The following NHSL3 variants were observed in gnomAD, a reference collection of about 807,000 sequenced individuals.
The protein encoded by NHSL3 is NHS like 3, also known as NHS-like protein 3.
chr1:32,754,928 C>T, the NHSL3 span, among the ~76,000 whole-genome samples: 4 of 152,056 alleles, frequency 2.6e-5, no homozygotes, highest in Non-Finnish European at 5.9e-5. Context: ...CCGCCTCCCC[C>T]CCTCCCCCGT....
chr1:32,771,577 C>A, the NHSL3 span: 1 of 1,612,638 alleles, frequency 6.2e-7, no homozygotes, highest in Non-Finnish European at 8.5e-7. Flanking sequence ...TGTGGCCAGC[C>A]CTGAGCCTGC....
chr1:32,751,957 A>G, the NHSL3 span, among the ~76,000 whole-genome samples: 8 of 152,240 alleles, frequency 5.3e-5, no homozygotes, highest in African/African-American at 1.7e-4. Flanking sequence ...TCCTCACTTA[A>G]TTCATGCCAA....
the NHSL3 span, among the ~76,000 whole-genome samples, chr1:32,753,856 C>T: frequency 6.6e-6 from 1 of 152,178 alleles, no homozygotes; most frequent in African/African-American, 2.4e-5. Context: ...CAGCCGGTCT[C>T]CCAGGTCCCG....
the NHSL3 span, chr1:32,773,743 CAGG>C: frequency 6.5e-6 from 1 of 152,690 alleles, no homozygotes; most frequent in Non-Finnish European, 1.5e-5. Flanking sequence ...ACTTCAGAGG[CAGG>C]AGCCTTTGGG....
the NHSL3 span, among the ~76,000 whole-genome samples, chr1:32,766,242 G>A: frequency 6.6e-6 from 1 of 152,128 alleles, no homozygotes; most frequent in Non-Finnish European, 1.5e-5. Context: ...GTGAAATCCT[G>A]TTTAGAGGCC....
At chr1:32,753,035 C>A in the NHSL3 span, among the ~76,000 whole-genome samples, 7 of 147,922 alleles carry the variant, frequency 4.7e-5, no homozygotes, top group Middle Eastern at 6.9e-3. Flanking sequence ...GTGGTGTGAT[C>A]TTGGCTCACT....
chr1:32,770,717 C>G, the NHSL3 span: 89 of 1,549,874 alleles, frequency 5.7e-5, no homozygotes, highest in Non-Finnish European at 7.6e-5. This position sits in a 1 kb window ranked among gnomAD's most constrained non-coding sequence, Gnocchi z 8.3. Flanking sequence ...CGGGGCTTAG[C>G]AGTGCCTGAT....
chr1:32,746,104 G>C, the NHSL3 span, among the ~76,000 whole-genome samples: 1 of 151,652 alleles, frequency 6.6e-6, no homozygotes, highest in African/African-American at 2.4e-5. Context: ...GGTGTCGGGC[G>C]CCTGTAGTCC....
At chr1:32,750,382 C>G in the NHSL3 span, among the ~76,000 whole-genome samples, 1 of 152,220 alleles carries the variant, frequency 6.6e-6, no homozygotes, top group African/African-American at 2.4e-5. Context: ...GATTTAAACC[C>G]TGAATCTTGT....
chr1:32,771,899 C>T, the NHSL3 span: 15 of 1,588,270 alleles, frequency 9.4e-6, no homozygotes, highest in African/African-American at 4.0e-5. Context: ...GGGCCATCGG[C>T]CCCCCAGAAA....
chr1:32,759,185 T>G, the NHSL3 span, among the ~76,000 whole-genome samples: 5 of 152,080 alleles, frequency 3.3e-5, no homozygotes, highest in African/African-American at 1.2e-4. Flanking sequence ...GTGGCTTTCT[T>G]TAAGGTTCCC....
the NHSL3 span, chr1:32,772,526 T>G: frequency 6.8e-7 from 1 of 1,479,856 alleles, no homozygotes; most frequent in Non-Finnish European, 8.9e-7. Flanking sequence ...GATTTGTTCT[T>G]GGATCTTTAA....
the NHSL3 span, chr1:32,770,012 TGGAGGC>T: frequency 1.2e-6 from 2 of 1,600,558 alleles, no homozygotes; most frequent in Non-Finnish European, 1.7e-6. This position sits in a 1 kb window ranked among gnomAD's most constrained non-coding sequence, Gnocchi z 8.3. Flanking sequence ...CTGCAGGCGC[TGGAGGC>T]GGAGGCGGAG....
At chr1:32,771,496 C>T in the NHSL3 span, 1 of 1,584,822 alleles carries the variant, frequency 6.3e-7, no homozygotes, top group Non-Finnish European at 8.6e-7. Context: ...GCCCCCTCCC[C>T]CACCCCCTGC....
chr1:32,750,410 C>G, the NHSL3 span, among the ~76,000 whole-genome samples: 1 of 152,114 alleles, frequency 6.6e-6, no homozygotes, highest in Non-Finnish European at 1.5e-5. Context: ...TGCGTGATTC[C>G]CAGGAGGCTC....
the NHSL3 span, among the ~76,000 whole-genome samples, chr1:32,762,053 G>T: frequency 6.6e-6 from 1 of 152,128 alleles, no homozygotes; most frequent in South Asian, 2.1e-4. Flanking sequence ...GCTCCCTCTG[G>T]TTTCCATTTC....
At chr1:32,757,521 G>A in the NHSL3 span, among the ~76,000 whole-genome samples, 1 of 152,000 alleles carries the variant, frequency 6.6e-6, no homozygotes, top group African/African-American at 2.4e-5. Flanking sequence ...TAAGACCTGG[G>A]ATTAACCAGA....
chr1:32,767,742 C>T, the NHSL3 span: 5,926 of 1,547,562 alleles, frequency 3.8e-3, 22 homozygotes, highest in Non-Finnish European at 4.8e-3. Flanking sequence ...CCCTGCAGGG[C>T]CCAGATGCCT....
the NHSL3 span, chr1:32,769,769 A>G: frequency 6.5e-7 from 1 of 1,528,850 alleles, no homozygotes; most frequent in East Asian, 2.6e-5. Flanking sequence ...CTCCCGCAGC[A>G]TGTGCAGAAG....
Sources: gnomAD v4.1 joint callset for allele counts (sites outside exome capture counted in the v4.1 genomes callset) on GRCh38, gnomAD v4.1.1 for gene constraint, Gnocchi (gnomAD v3.1) non-coding constraint, MANE v1.5 for transcripts, NCBI Gene and HGNC (gene_info 2026-07-23, HGNC 2026-07-21) for gene names.